Variants in SNX29 observed in about 807,000 individuals in gnomAD.
The protein encoded by SNX29 is sorting nexin 29.
In SNX29, 78 loss-of-function variants were observed where a neutral mutation model predicts 102.1. The observed-to-expected ratio is 0.76, with a 90% CI of 0.64 to 0.92. The LOEUF (loss-of-function observed/expected upper bound fraction) is 0.92, where lower values mean the gene tolerates loss of function less well. Ranked by LOEUF, SNX29 falls within the 40% of genes least tolerant of loss-of-function variation. The probability of loss-of-function intolerance (pLI) is 0.00; values close to 1 mark genes in which losing one functional copy is unlikely to be tolerated. For missense variants in SNX29, 1,280 were observed against 1,061.7 expected (o/e 1.21, Z -2.86); for synonymous variants, 580 against 414.5 (o/e 1.40, Z -4.85).
At position 12,437,591 on chromosome 16, in the gene SNX29, GT is replaced by G. The variant is rs2085594441; in HGVS notation, c.2037+34064del. ...ACATCTCTGTCTCCCCGAATTGCTGGTTAGCTGTTCTGAGTCCTTTCCCCTC... is the reference window on the plus strand; with the variant it reads ...ACATCTCTGTCTCCCCGAATTGCTGGTAGCTGTTCTGAGTCCTTTCCCCTC... On this transcript the variant is annotated intron_variant, in intron 18 of 20. Transcript: ENST00000566228. Among the ~76,000 whole-genome samples, 17 of 152,302 alleles carry G rather than the reference GT, an allele frequency of 1.1e-4. 1 individual carries two copies. In the South Asian group the frequency reaches 3.5e-3, roughly 32 times the overall value.
At chr16:11,987,820 T>C (rs1348696781) in intron 1 of SNX29, among the ~76,000 whole-genome samples, 5 of 152,240 alleles carry the variant, frequency 3.3e-5, no homozygotes, top group Admixed American at 3.3e-4. Flanking sequence ...TCTTTTCTCA[T>C]TTCCCCTGTT....
chr16:12,273,746 C>G (rs1003393740), intron 14 of SNX29, among the ~76,000 whole-genome samples: 2 of 152,168 alleles, frequency 1.3e-5, no homozygotes, highest in African/African-American at 4.8e-5. Flanking sequence ...AAGCCTGATA[C>G]CCTTTAGCAG....
At chr16:12,065,967 G>A (rs558662035) in intron 9 of SNX29, among the ~76,000 whole-genome samples, 1 of 152,316 alleles carries the variant, frequency 6.6e-6, no homozygotes, top group South Asian at 2.1e-4. Flanking sequence ...GGGCCTTAAG[G>A]ATGAGACGGT....
intron 14 of SNX29, among the ~76,000 whole-genome samples, chr16:12,207,543 G>A (rs1189318947): frequency 6.6e-6 from 1 of 152,122 alleles, no homozygotes; most frequent in Non-Finnish European, 1.5e-5. Flanking sequence ...TTCCACCGCA[G>A]TGTCTCGCTC....
intron 16 of SNX29, among the ~76,000 whole-genome samples, chr16:12,381,192 C>CACCCACCCACCTACCATCCACCT (rs2083126187): frequency 8.7e-5 from 1 of 11,526 alleles, no homozygotes. Context: ...ACCATCCACC[C>CACCCACCCACCTACCATCCACCT]ACCGACCCAC....
chr16:12,529,149 C>T (rs1314085386), intron 20 of SNX29, among the ~76,000 whole-genome samples: 1 of 152,188 alleles, frequency 6.6e-6, no homozygotes, highest in Non-Finnish European at 1.5e-5. Context: ...TTGCTAATGC[C>T]AGCTCTGAAT....
chr16:12,546,499 T>C (rs1231844909), intron 20 of SNX29: 1 of 152,166 alleles, frequency 6.6e-6, no homozygotes, highest in Non-Finnish European at 1.5e-5. Flanking sequence ...CAGGAAAGAC[T>C]CGCCCCTGTG....
At chr16:12,194,601 T>C (rs1222153463) in intron 13 of SNX29, among the ~76,000 whole-genome samples, 1 of 149,748 alleles carries the variant, frequency 6.7e-6, no homozygotes, top group Non-Finnish European at 1.5e-5. Context: ...GTGATGTTAC[T>C]ATAGGATTTG....
intron 20 of SNX29, among the ~76,000 whole-genome samples, chr16:12,560,417 G>A (rs920029661): frequency 6.6e-6 from 1 of 152,154 alleles, no homozygotes; most frequent in African/African-American, 2.4e-5. Context: ...CACAGTGTCT[G>A]TCCTGTAGGC....
chr16:12,205,948 A>G (rs751684776), intron 14 of SNX29, among the ~76,000 whole-genome samples: 4 of 152,242 alleles, frequency 2.6e-5, no homozygotes, highest in Non-Finnish European at 5.9e-5. Flanking sequence ...GTTGGATCTC[A>G]TGGCCTTGAG....
intron 14 of SNX29, among the ~76,000 whole-genome samples, chr16:12,272,535 T>C (rs2079121936): frequency 6.6e-6 from 1 of 152,254 alleles, no homozygotes; most frequent in Admixed American, 6.5e-5. Flanking sequence ...TCCACTGCTC[T>C]CTTACCTGAC....
rs2079215942 is a variant in SNX29, at chr16:12,572,799, A to C, written c.*4170A>C. ...CCCACCTCACTCCTCCTTCCCCAGTACATCAGACTGGTTAGGAGGCATCCC... is the reference window on the plus strand; with the variant it reads ...CCCACCTCACTCCTCCTTCCCCAGTCCATCAGACTGGTTAGGAGGCATCCC... On this transcript the variant is annotated 3_prime_UTR_variant, in exon 21 of 21. Coordinates refer to ENST00000566228, the MANE Select transcript of SNX29 (RefSeq NM_032167.5). 1 of 1,063,520 alleles carries C rather than the reference A, an allele frequency of 9.4e-7. No individual in the cohort carries two copies. Among genetic ancestry groups the C allele is most frequent in the Non-Finnish European group, 1.1e-6 (1 of 878,232 alleles). 65.9% of individuals were successfully genotyped at this position (1,063,520 alleles called of 1,614,324 possible).
At chr16:12,148,607 TA>T (rs2055164697) in intron 13 of SNX29, among the ~76,000 whole-genome samples, 1 of 152,258 alleles carries the variant, frequency 6.6e-6, no homozygotes, top group African/African-American at 2.4e-5. Context: ...TCTTGTTTTC[TA>T]ATACATCACT....
intron 14 of SNX29, among the ~76,000 whole-genome samples, chr16:12,219,225 A>T (rs1462219793): frequency 6.7e-6 from 1 of 149,644 alleles, no homozygotes; most frequent in African/African-American, 2.5e-5. Flanking sequence ...ACCACATGTT[A>T]TATCGTCAGT....
chr16:12,441,527 A>G (rs766548711), intron 18 of SNX29, among the ~76,000 whole-genome samples: 28 of 152,054 alleles, frequency 1.8e-4, no homozygotes, highest in Admixed American at 3.3e-4. Flanking sequence ...GAACATTCCT[A>G]TACTAGTCTC....
chr16:12,257,824 A>G (rs1021635439), intron 14 of SNX29, among the ~76,000 whole-genome samples: 2 of 151,662 alleles, frequency 1.3e-5, no homozygotes, highest in Non-Finnish European at 2.9e-5. Flanking sequence ...CACCGCACCC[A>G]GCACCCACTC....
At chr16:12,532,875 G>A (rs987334065) in intron 20 of SNX29, among the ~76,000 whole-genome samples, 1 of 152,244 alleles carries the variant, frequency 6.6e-6, no homozygotes, top group East Asian at 1.9e-4. Context: ...CTGCGTGAGA[G>A]AGCTGCAGAA....
rs147612005 is a variant in SNX29, at chr16:12,226,168, CTA to C, written c.1678+26487_1678+26488del. On this transcript the variant is annotated intron_variant, in intron 14 of 20. Coordinates refer to ENST00000566228, the MANE Select transcript of SNX29 (RefSeq NM_032167.5). ...ACATTCTGGAGATCTGAAAAGTGCT[CTA>C]TGTGTTTAATGTTAATAGGCAGCCA... Among the ~76,000 whole-genome samples the C allele has an allele frequency of 2.9e-3, 446 of 152,252 alleles. 1 individual carries two copies. The highest frequency in any genetic ancestry group is 4.9e-3 in the Non-Finnish European group (336 of 68,034).
Position 12,027,351 on chromosome 16 carries a change from G to C in SNX29, c.154G>C (p.Val52Leu). ...CTGTCTGTGTGCCCAGTTTGAAGCC[G>C]TCCTGCAGCATGGCTTGAAGAGGAG... Reference protein sequence around the residue: ...VTCLCAQFEAVLQHGLKRSRG... With the variant: ...VTCLCAQFEALLQHGLKRSRG... Residue 52 changes from valine to leucine, a missense_variant, in exon 4 of 21, where the codon GTC becomes CTC. Val to Leu is a conservative substitution (Grantham distance 32, BLOSUM62 1). Coordinates refer to ENST00000566228, the MANE Select transcript of SNX29 (RefSeq NM_032167.5). 6.2e-7 allele frequency: 1 copy of C among 1,614,034 alleles called. No homozygotes were observed. The highest frequency in any genetic ancestry group is 8.5e-7 in the Non-Finnish European group (1 of 1,179,958).
Sources: gnomAD v4.1 joint callset for allele counts (sites outside exome capture counted in the v4.1 genomes callset) on GRCh38, gnomAD v4.1.1 for gene constraint, MANE v1.5 for transcripts, NCBI Gene and HGNC (gene_info 2026-07-23, HGNC 2026-07-21) for gene names.